Variants in ATP8B4 observed in about 807,000 individuals in gnomAD.
ATP8B4 encodes the protein ATPase phospholipid transporting 8B4 (putative), also known as probable phospholipid-transporting ATPase IM.
Under a neutral mutation model 145.6 loss-of-function variants are expected in ATP8B4, and 133 were observed. The ratio of observed to expected loss-of-function variants is 0.91; its 90% CI spans 0.79 to 1.05. The LOEUF is 1.05. ATP8B4 is among the 50% of genes least tolerant of loss of function. ATP8B4 has a pLI of 0.00. For synonymous variants in ATP8B4, 507 were observed against 492.9 expected (o/e 1.03, Z -0.38); for missense variants, 1,458 against 1,425.2 (o/e 1.02, Z -0.37).
chr15:49,904,828 C>A (rs2038424811), intron 20 of ATP8B4, among the ~76,000 whole-genome samples: 1 of 152,184 alleles, frequency 6.6e-6, no homozygotes, highest in Admixed American at 6.5e-5. Context: ...GAAGAAATAT[C>A]AATTCCTAGT....
intron 6 of ATP8B4, among the ~76,000 whole-genome samples, chr15:50,027,457 T>C (rs1338518393): frequency 6.6e-6 from 1 of 151,582 alleles, no homozygotes; most frequent in Non-Finnish European, 1.5e-5. Context: ...ATAAAACCTC[T>C]ATCATATCCC....
At chr15:49,975,937 G>C (rs1440793401) in intron 12 of ATP8B4, among the ~76,000 whole-genome samples, 1 of 152,078 alleles carries the variant, frequency 6.6e-6, no homozygotes, top group Non-Finnish European at 1.5e-5. Context: ...GCTTATTTCT[G>C]ATCTTAGTGG....
At chr15:49,894,625 A>C (rs1284904716) in intron 23 of ATP8B4, among the ~76,000 whole-genome samples, 2 of 152,226 alleles carry the variant, frequency 1.3e-5, no homozygotes. Context: ...GAAAAACAGC[A>C]TTCCATATTC....
Position 49,996,752 on chromosome 15 carries a change from T to A in ATP8B4, c.514A>T (p.Asn172Tyr), listed in dbSNP as rs2047460368. The change falls in exon 9 of 28, where the codon AAC (asparagine) becomes TAC (tyrosine). Residue 172 changes from asparagine (N) to tyrosine (Y), a missense_variant. Asn to Tyr is a moderately radical substitution (Grantham distance 143). Coordinates refer to ENST00000284509, the MANE Select transcript of ATP8B4 (RefSeq NM_024837.4). ...VETAELDGET[N>Y]LKVRHALSVT... ...GATAGTGCATGGCGGACTTTTAGGT[T>A]CGTTTCCCTGTGAAATTATTGACAT... 1 of 1,609,644 alleles carries A rather than the reference T, an allele frequency of 6.2e-7. No individual in the cohort carries two copies. The highest frequency in any genetic ancestry group is 1.1e-5 in the South Asian group (1 of 90,790).
intron 14 of ATP8B4, among the ~76,000 whole-genome samples, chr15:49,940,578 C>G (rs1180972165): frequency 6.6e-6 from 1 of 152,010 alleles, no homozygotes; most frequent in Non-Finnish European, 1.5e-5. Context: ...AAATTTTAAT[C>G]AACAAACAAA....
rs574356979 is a variant in ATP8B4 at position 49,982,137 on chromosome 15, G to A, written c.749-843C>T. ...CAATCCATAGAGCCATTTAATATAGGAGAAAGGGGGAAATTAAAGAAAGGA... is the reference window on the plus strand; with the variant it reads ...CAATCCATAGAGCCATTTAATATAGAAGAAAGGGGGAAATTAAAGAAAGGA... On this transcript the variant is annotated intron_variant, in intron 10 of 27. Transcript: ENST00000284509. 8.3e-4 allele frequency among the ~76,000 whole-genome samples: 126 copies of A among 152,140 alleles called. 1 individual carries two copies. Among genetic ancestry groups the A allele is most frequent in the African/African-American group, 2.9e-3 (120 of 41,504 alleles).
chr15:49,988,132 G>A (rs1392974883), intron 9 of ATP8B4, among the ~76,000 whole-genome samples: 1 of 152,164 alleles, frequency 6.6e-6, no homozygotes, highest in East Asian at 1.9e-4. Context: ...TAGATTCAGA[G>A]TTCTGGGGAC....
chr15:49,950,602 ACAAACAAAC>A (rs1298221990), intron 14 of ATP8B4, among the ~76,000 whole-genome samples: 3 of 115,930 alleles, frequency 2.6e-5, no homozygotes, highest in Non-Finnish European at 3.6e-5. Context: ...AAAAAAAAAA[ACAAACAAAC>A]AAACAAACAA....
intron 1 of ATP8B4, among the ~76,000 whole-genome samples, chr15:50,111,507 G>T (rs553534743): frequency 6.6e-6 from 1 of 152,322 alleles, no homozygotes; most frequent in South Asian, 2.1e-4. Context: ...AAAGTCTACA[G>T]GACAAATGGC....
chr15:50,176,080 CCA>C (rs1213093973), intron 1 of ATP8B4, among the ~76,000 whole-genome samples: 5 of 148,286 alleles, frequency 3.4e-5, no homozygotes, highest in Admixed American at 2.7e-4. Flanking sequence ...TATATATATA[CCA>C]CAGAGTATAT....
intron 20 of ATP8B4, among the ~76,000 whole-genome samples, chr15:49,908,584 A>C (rs1261737233): frequency 6.6e-6 from 1 of 152,150 alleles, no homozygotes; most frequent in Non-Finnish European, 1.5e-5. Flanking sequence ...AGCTGCCTGA[A>C]GACAAGGCAG....
At chr15:50,082,696 A>G (rs1415316110) in intron 2 of ATP8B4, among the ~76,000 whole-genome samples, 1 of 152,230 alleles carries the variant, frequency 6.6e-6, no homozygotes, top group Non-Finnish European at 1.5e-5. Context: ...GTAGCTTTCC[A>G]TAAGTAAAGA....
chr15:50,144,347 C>T (rs28665904), intron 1 of ATP8B4, among the ~76,000 whole-genome samples: 4,384 of 152,216 alleles, frequency 0.029, 207 homozygotes, highest in African/African-American at 0.1. Context: ...TTTCACACTG[C>T]TGTAAAGAAA....
At chr15:49,947,855 C>G (rs938466322) in intron 14 of ATP8B4, among the ~76,000 whole-genome samples, 4 of 151,692 alleles carry the variant, frequency 2.6e-5, no homozygotes, top group African/African-American at 7.3e-5. Flanking sequence ...AACAAGGGTT[C>G]CAAGACTATA....
intron 20 of ATP8B4, among the ~76,000 whole-genome samples, chr15:49,914,016 C>T (rs2039492464): frequency 6.6e-6 from 1 of 152,170 alleles, no homozygotes; most frequent in South Asian, 2.1e-4. Flanking sequence ...GCCCAAATAG[C>T]CAAAGCAATC....
At chr15:50,041,640 T>C (rs1291679049) in intron 5 of ATP8B4, among the ~76,000 whole-genome samples, 4 of 152,162 alleles carry the variant, frequency 2.6e-5, no homozygotes, top group Non-Finnish European at 5.9e-5. Flanking sequence ...GGATGGATCC[T>C]ATGTGTTTGT....
intron 23 of ATP8B4, among the ~76,000 whole-genome samples, chr15:49,888,697 T>C (rs762215503): frequency 6.6e-6 from 1 of 152,200 alleles, no homozygotes; most frequent in Non-Finnish European, 1.5e-5. Context: ...ACAAAACTCA[T>C]GTGGGTTTCA....
intron 2 of ATP8B4, among the ~76,000 whole-genome samples, chr15:50,083,565 C>A (rs1422351733): frequency 6.6e-6 from 1 of 152,080 alleles, no homozygotes; most frequent in Non-Finnish European, 1.5e-5. Flanking sequence ...AAGAAAGCCT[C>A]CTGTCATAAA....
chr15:49,912,628 CA>C (rs542694826), intron 20 of ATP8B4, among the ~76,000 whole-genome samples: 98 of 151,968 alleles, frequency 6.4e-4, no homozygotes, highest in African/African-American at 2.2e-3. Context: ...TTAAGTATAC[CA>C]AAAAAACTGA....
Sources: allele counts gnomAD v4.1 joint callset (sites outside exome capture counted in the v4.1 genomes callset), GRCh38; gene constraint gnomAD v4.1.1; transcripts MANE v1.5; gene names NCBI Gene and HGNC (gene_info 2026-07-23, HGNC 2026-07-21).